Variants in PPFIBP1 observed in about 807,000 individuals in gnomAD.
The protein encoded by PPFIBP1 is PPFIB scaffold protein 1.
A neutral mutation model predicts 137.8 loss-of-function variants in PPFIBP1; 112 were observed. The observed-to-expected ratio is 0.81, with a 90% CI of 0.70 to 0.95. PPFIBP1 has a LOEUF of 0.95. Among genes scored for constraint, PPFIBP1 ranks in the 40% least tolerant of loss-of-function variants. PPFIBP1 has a pLI of 0.00. For synonymous variants in PPFIBP1, 378 were observed against 417.3 expected, an observed-to-expected ratio of 0.91 and a Z score of 1.15; for missense variants, 1,083 against 1,196.6, an observed-to-expected ratio of 0.91 and a Z score of 1.40.
chr12:27,625,906 T>C (rs896586835), intron 2 of PPFIBP1, among the ~76,000 whole-genome samples: 16 of 152,148 alleles, frequency 1.1e-4, no homozygotes, highest in African/African-American at 3.9e-4. Flanking sequence ...TGAAGCCTCC[T>C]CAGGAGGGGC....
At chr12:27,606,926 A>G (rs2054583724) in intron 2 of PPFIBP1, among the ~76,000 whole-genome samples, 1 of 152,198 alleles carries the variant, frequency 6.6e-6, no homozygotes, top group Admixed American at 6.5e-5. Context: ...GATGAATTTT[A>G]TATATAGCAA....
rs556018395 is a variant in PPFIBP1 at position 27,540,431 on chromosome 12, G to A, written c.-124+16066G>A. Among the ~76,000 whole-genome samples the A allele has an allele frequency of 8.0e-5, 12 of 150,868 alleles. No individual in the cohort carries two copies. In the South Asian group the frequency reaches 2.5e-3, roughly 32 times the overall value. On this transcript the variant is annotated intron_variant, in intron 1 of 29. Coordinates refer to ENST00000228425, the MANE Select transcript of PPFIBP1 (RefSeq NM_003622.4). ...AAAAGTCTTAATTTCATCAGCATCA[G>A]TGATTCTTGCCAGTGACCCTGTCTC...
intron 2 of PPFIBP1, among the ~76,000 whole-genome samples, chr12:27,588,923 G>T (rs1332501614): frequency 6.6e-6 from 1 of 152,160 alleles, no homozygotes; most frequent in African/African-American, 2.4e-5. Flanking sequence ...TAATCCTTTG[G>T]GGGAATTTAT....
intron 8 of PPFIBP1, among the ~76,000 whole-genome samples, 154 bp from the exon 9 acceptor site, chr12:27,656,462 A>G (rs1375563046): frequency 2.6e-5 from 4 of 152,132 alleles, no homozygotes; most frequent in South Asian, 2.1e-4. Flanking sequence ...TTTGCTTTTC[A>G]TTGCCCTTGT....
At chr12:27,674,310 C>A in intron 17 of PPFIBP1, 89 bp downstream of exon 17, 1 of 929,286 alleles carries the variant, frequency 1.1e-6, no homozygotes, top group South Asian at 1.6e-5. Context: ...TAAAAACTTT[C>A]AGAACCTCTA....
intron 2 of PPFIBP1, among the ~76,000 whole-genome samples, chr12:27,612,351 T>TTTTTTTA (rs1592847187): frequency 6.8e-6 from 1 of 146,312 alleles, no homozygotes; most frequent in Non-Finnish European, 1.5e-5. Context: ...TTTTTTTTTT[T>TTTTTTTA]GAGACAGGGT....
chr12:27,621,967 T>C (rs1416023695), intron 2 of PPFIBP1, among the ~76,000 whole-genome samples: 2 of 152,220 alleles, frequency 1.3e-5, no homozygotes, highest in Non-Finnish European at 2.9e-5. Flanking sequence ...ATTAGACATA[T>C]AAGCAGTCCA....
intron 2 of PPFIBP1, among the ~76,000 whole-genome samples, chr12:27,632,180 A>G (rs1230826860): frequency 6.6e-6 from 1 of 152,208 alleles, no homozygotes; most frequent in Non-Finnish European, 1.5e-5. Flanking sequence ...ATATTTTACA[A>G]CAATTATATG....
At chr12:27,524,898 G>C (rs973833303) in intron 1 of PPFIBP1, among the ~76,000 whole-genome samples, 2 of 152,132 alleles carry the variant, frequency 1.3e-5, no homozygotes, top group Admixed American at 1.3e-4. Context: ...TTCACTTGGG[G>C]TGTTTATTAA....
At chr12:27,595,348 T>A (rs1211538520) in intron 2 of PPFIBP1, among the ~76,000 whole-genome samples, 1 of 152,060 alleles carries the variant, frequency 6.6e-6, no homozygotes, top group African/African-American at 2.4e-5. Context: ...ATGGAAGAAG[T>A]GCTGCTAACT....
intron 2 of PPFIBP1, among the ~76,000 whole-genome samples, chr12:27,624,183 C>A (rs1378543942): frequency 6.6e-6 from 1 of 152,094 alleles, no homozygotes; most frequent in African/African-American, 2.4e-5. Context: ...GGGAGGCCGG[C>A]AGTCCTGTAC....
chr12:27,685,238 CAT>C (rs776672624), intron 24 of PPFIBP1, among the ~76,000 whole-genome samples: 115 of 151,682 alleles, frequency 7.6e-4, no homozygotes, highest in Non-Finnish European at 1.4e-3. Flanking sequence ...TATACACACA[CAT>C]ACACATATAT....
chr12:27,563,258 G>A (rs1269054580), intron 1 of PPFIBP1, among the ~76,000 whole-genome samples: 3 of 114,376 alleles, frequency 2.6e-5, no homozygotes, highest in African/African-American at 7.1e-5. Context: ...TGGCTAACAC[G>A]GTGAAAACCC....
At chr12:27,583,053 G>T (rs1975920) in intron 2 of PPFIBP1, among the ~76,000 whole-genome samples, 60,190 of 151,982 alleles carry the variant, frequency 0.4, 13,330 homozygotes, top group Non-Finnish European at 0.51. Context: ...AGATATTTTT[G>T]AGGAAAAGGT....
intron 1 of PPFIBP1, among the ~76,000 whole-genome samples, chr12:27,553,156 C>T (rs1350182489): frequency 1.3e-5 from 2 of 152,174 alleles, no homozygotes; most frequent in Non-Finnish European, 2.9e-5. Context: ...TGCCAGATGA[C>T]CCCATATACT....
chr12:27,677,251 AG>A (rs2060577589), intron 19 of PPFIBP1, 155 bp downstream of exon 19: 1 of 864,554 alleles, frequency 1.2e-6, no homozygotes, highest in South Asian at 1.7e-5. Context: ...TCTGCTAAAA[AG>A]GACTCTGTAG....
At chr12:27,596,697 C>A (rs2053352956) in intron 2 of PPFIBP1, among the ~76,000 whole-genome samples, 1 of 151,960 alleles carries the variant, frequency 6.6e-6, no homozygotes. Flanking sequence ...TTCCCTAGCA[C>A]TTATTTAACA....
chr12:27,656,619 G>GA lies in PPFIBP1; in HGVS notation c.702dup (p.Leu235ThrfsTer14). On this transcript the variant is annotated frameshift_variant, in exon 9 of 30. Transcript: ENST00000228425. LOFTEE classifies it high-confidence loss of function. Reference sequence around the variant, plus strand: ...TAAATGAATTTGTAACTTGTAGGATGAACTGGCATCTTTAAAAGAACAACT... The same window carrying GA: ...TAAATGAATTTGTAACTTGTAGGATGAAACTGGCATCTTTAAAAGAACAACT... The GA allele has an allele frequency of 6.3e-7, 1 of 1,583,824 alleles. No individual in the cohort carries two copies. Among genetic ancestry groups the GA allele is most frequent in the Non-Finnish European group, 8.7e-7 (1 of 1,152,974 alleles).
chr12:27,679,679 A>G, intron 20 of PPFIBP1, 40 bp downstream of exon 20: 2 of 1,596,860 alleles, frequency 1.3e-6, no homozygotes, highest in Non-Finnish European at 1.7e-6. Context: ...GCCCTGTCTT[A>G]CATGTTGCTT....
Sources: gnomAD v4.1 joint callset for allele counts (sites outside exome capture counted in the v4.1 genomes callset) on GRCh38, gnomAD v4.1.1 for gene constraint, MANE v1.5 for transcripts, NCBI Gene and HGNC (gene_info 2026-07-23, HGNC 2026-07-21) for gene names.